Variants in TSHZ2 observed in about 807,000 individuals in gnomAD.
The protein encoded by TSHZ2 is teashirt zinc finger homeobox 2, also known as teashirt homolog 2.
TSHZ2 carries 21 observed loss-of-function variants against 74.4 expected under a neutral mutation model. The observed-to-expected ratio is 0.28, with a 90% CI of 0.20 to 0.41. The LOEUF (loss-of-function observed/expected upper bound fraction) is 0.41, where lower values mean the gene tolerates loss of function less well. Ranked by LOEUF, TSHZ2 falls within the 10% of genes least tolerant of loss-of-function variation. TSHZ2 has a pLI of 1.00. For missense variants in TSHZ2, 1,244 were observed against 1,293.5 expected, an observed-to-expected ratio of 0.96 and a Z score of 0.59; for synonymous variants, 540 against 515.3, an observed-to-expected ratio of 1.05 and a Z score of -0.65.
At chr20:53,210,600 G>C (rs142670231) in intron 1 of TSHZ2, among the ~76,000 whole-genome samples, 3 of 151,826 alleles carry the variant, frequency 2.0e-5, no homozygotes, top group Non-Finnish European at 4.4e-5. Flanking sequence ...TGCTTTTGGA[G>C]CCTGGGGTTT....
chr20:53,025,995 G>A (rs1485884714), intron 1 of TSHZ2, among the ~76,000 whole-genome samples: 1 of 152,176 alleles, frequency 6.6e-6, no homozygotes, highest in Non-Finnish European at 1.5e-5. Context: ...CTGTGGTATG[G>A]CAGTGTCTGG....
At chr20:53,050,124 T>TATATAC (rs1409158633) in intron 1 of TSHZ2, among the ~76,000 whole-genome samples, 15 of 107,204 alleles carry the variant, frequency 1.4e-4, no homozygotes, top group African/African-American at 9.7e-4. Flanking sequence ...TATATATATA[T>TATATAC]ACACATATAT....
intron 2 of TSHZ2, among the ~76,000 whole-genome samples, chr20:53,287,800 A>G (rs1443078837): frequency 1.3e-5 from 2 of 152,016 alleles, no homozygotes; most frequent in Non-Finnish European, 2.9e-5. Context: ...AGGAGTTAAT[A>G]TTTTTCTTAT....
chr20:53,056,735 T>C (rs1354812326), intron 1 of TSHZ2, among the ~76,000 whole-genome samples: 1 of 152,148 alleles, frequency 6.6e-6, no homozygotes. Flanking sequence ...ATGCTCACAC[T>C]CTGCCCAATC....
At position 53,255,818 on chromosome 20, in the gene TSHZ2, C is replaced by T; in HGVS notation, c.2360C>T (p.Pro787Leu). ...SSQAQSCMSPPQKHALSDIAD... is the reference protein window; with the variant it reads ...SSQAQSCMSPLQKHALSDIAD... ...CAAGCACAATCTTGTATGTCCCCACCTCAGAAGCACGCTCTGTCTGACATC... is the reference window on the plus strand; with the variant it reads ...CAAGCACAATCTTGTATGTCCCCACTTCAGAAGCACGCTCTGTCTGACATC... Residue 787 changes from proline (P) to leucine (L), a missense_variant, in exon 2 of 3, where the codon CCT becomes CTT. Around this residue, in one of 6 missense-constraint regions of TSHZ2, gnomAD observed 562 missense variants for 544.0 expected, o/e 1.03. Transcript: ENST00000371497. The surrounding 1 kb of genome is among the most constrained non-coding windows in gnomAD (Gnocchi z 4.1). 6.2e-7 allele frequency: 1 copy of T among 1,613,482 alleles called. No individual in the cohort carries two copies. Among genetic ancestry groups the T allele is most frequent in the South Asian group, 1.1e-5 (1 of 90,928 alleles).
At chr20:53,008,379 G>A (rs1226031013) in intron 1 of TSHZ2, among the ~76,000 whole-genome samples, 1 of 152,138 alleles carries the variant, frequency 6.6e-6, no homozygotes, top group African/African-American at 2.4e-5. Flanking sequence ...TTGCTCACTT[G>A]TCCTGGGCAA....
At chr20:53,427,416 C>G (rs925149820) in intron 2 of TSHZ2, among the ~76,000 whole-genome samples, 1 of 152,024 alleles carries the variant, frequency 6.6e-6, no homozygotes, top group African/African-American at 2.4e-5. Flanking sequence ...CATGCCAGAT[C>G]CCCACCCCCA....
intron 1 of TSHZ2, among the ~76,000 whole-genome samples, chr20:53,142,800 C>CGT (rs1987437369): frequency 1.3e-5 from 2 of 149,316 alleles, no homozygotes; most frequent in Admixed American, 6.7e-5. Context: ...AACCCACCCA[C>CGT]AAGCCGGTAA....
rs151236380 is a variant in TSHZ2, at chr20:53,391,115, CTTTTG to C, written c.*9-95993_*9-95989del. The stretch of plus-strand genomic sequence containing the variant: ...CTCCTGATCAACAGCATATACTACA[CTTTTG>C]TTTTGTTTTGTTTTGTTTTGTTTTG... On this transcript the variant is annotated intron_variant, in intron 2 of 2. Transcript: ENST00000371497. Among the ~76,000 whole-genome samples, 770 of 147,660 alleles carry C rather than the reference CTTTTG, an allele frequency of 5.2e-3. 1 individual carries two copies. Among genetic ancestry groups the C allele is most frequent in the South Asian group, 0.012 (53 of 4,556 alleles).
At chr20:53,251,728 C>T (rs561921730) in intron 1 of TSHZ2, among the ~76,000 whole-genome samples, 5 of 152,320 alleles carry the variant, frequency 3.3e-5, no homozygotes, top group Admixed American at 6.5e-5. Context: ...TCTTGTTTTA[C>T]GGTATTCTGT....
intron 1 of TSHZ2, among the ~76,000 whole-genome samples, chr20:53,203,448 A>G (rs1002717013): frequency 1.3e-5 from 2 of 151,848 alleles, no homozygotes; most frequent in Non-Finnish European, 2.9e-5. Flanking sequence ...GCCCACCTCC[A>G]CCCAAATTTT....
At chr20:53,405,066 A>G (rs536205608) in intron 2 of TSHZ2, among the ~76,000 whole-genome samples, 4 of 152,262 alleles carry the variant, frequency 2.6e-5, no homozygotes, top group East Asian at 3.9e-4. Flanking sequence ...CCTGGCCACC[A>G]GGGCGAAAAC....
intron 2 of TSHZ2, among the ~76,000 whole-genome samples, chr20:53,436,539 A>G (rs6126839): frequency 1.1e-5 from 1 of 90,036 alleles, no homozygotes; most frequent in African/African-American, 4.7e-5. Flanking sequence ...TATTATTATT[A>G]TTATTATTAT....
intron 2 of TSHZ2, among the ~76,000 whole-genome samples, chr20:53,433,625 A>ACACACACACACACACACAC (rs1555864637): frequency 6.6e-6 from 1 of 151,192 alleles, no homozygotes; most frequent in Non-Finnish European, 1.5e-5. Flanking sequence ...ACACACACAG[A>ACACACACACACACACACAC]ATTTTATTGG....
intron 1 of TSHZ2, among the ~76,000 whole-genome samples, chr20:53,170,784 G>T (rs1408465425): frequency 6.6e-6 from 1 of 152,162 alleles, no homozygotes; most frequent in Admixed American, 6.5e-5. Flanking sequence ...TCCTTAAGGT[G>T]AGGGATATTG....
intron 1 of TSHZ2, among the ~76,000 whole-genome samples, chr20:53,217,525 G>A (rs1368162838): frequency 6.6e-6 from 1 of 152,120 alleles, no homozygotes; most frequent in East Asian, 1.9e-4. Context: ...CAAACCCACA[G>A]ACAAATAATG....
At chr20:53,425,399 T>C (rs1983620512) in intron 2 of TSHZ2, among the ~76,000 whole-genome samples, 1 of 152,162 alleles carries the variant, frequency 6.6e-6, no homozygotes. Flanking sequence ...CATGAGAGGG[T>C]CCAAGGTCCA....
chr20:53,198,252 C>T (rs1000755388), intron 1 of TSHZ2: 1 of 152,186 alleles, frequency 6.6e-6, no homozygotes, highest in Non-Finnish European at 1.5e-5. Flanking sequence ...AATCAGCCAT[C>T]ATTCAGGTCA....
At chr20:52,997,415 A>G (rs1356246316) in intron 1 of TSHZ2, among the ~76,000 whole-genome samples, 1 of 152,134 alleles carries the variant, frequency 6.6e-6, no homozygotes, top group Non-Finnish European at 1.5e-5. Flanking sequence ...AGCAACAACA[A>G]AAGCATACCA....
Sources: allele counts gnomAD v4.1 joint callset (sites outside exome capture counted in the v4.1 genomes callset), GRCh38; gene constraint gnomAD v4.1.1; regional missense constraint gnomAD v4.1.1; non-coding constraint Gnocchi (gnomAD v3.1); transcripts MANE v1.5; gene names NCBI Gene and HGNC (gene_info 2026-07-23, HGNC 2026-07-21).